Variants in CAD observed in about 807,000 individuals in gnomAD.
CAD encodes carbamoyl-phosphate synthetase 2, aspartate transcarbamylase, and dihydroorotase.
CAD carries 81 observed loss-of-function variants against 237.2 expected under a neutral mutation model. That is an observed-to-expected ratio of 0.34 (90% CI 0.29 to 0.41). The LOEUF is 0.41. CAD is among the 10% of genes least tolerant of loss of function. CAD has a pLI of 1.00. For synonymous variants in CAD, 1,196 were observed against 1,162.8 expected (o/e 1.03, Z -0.58); for missense variants, 2,181 against 2,951.7 (o/e 0.74, Z 6.05).
At position 27,237,718 on chromosome 2, in the gene CAD, C is replaced by T; in HGVS notation, c.4564C>T (p.Leu1522=). 1.2e-6 allele frequency: 2 copies of T among 1,611,678 alleles called. No individual in the cohort carries two copies. Among genetic ancestry groups the T allele is most frequent in the African/African-American group, 2.7e-5 (2 of 75,068 alleles). The change falls in exon 29 of 44, where the codon CTG becomes TTG. Residue 1522 remains leucine (L), a splice_region_variant and synonymous_variant. Transcript: ENST00000264705. This position sits in a 1 kb window ranked among gnomAD's most constrained non-coding sequence, Gnocchi z 4.0. ...DAPALALAQK[L]AEAGARCDFA... Reference sequence around the variant, plus strand: ...CCTTACCTCTGTGTATCCTCTCCAGCTGGCAGAGGCTGGCGCCCGGTGCGA... The same window carrying T: ...CCTTACCTCTGTGTATCCTCTCCAGTTGGCAGAGGCTGGCGCCCGGTGCGA...
intron 15 of CAD, among the ~76,000 whole-genome samples, chr2:27,229,707 C>T (rs1035382248): frequency 6.6e-6 from 1 of 151,548 alleles, no homozygotes; most frequent in Non-Finnish European, 1.5e-5. Context: ...GAAACCCCAT[C>T]TCTAGAAAAT....
At chr2:27,238,972 C>A in intron 31 of CAD, 70 bp from the exon 32 acceptor site, 1 of 1,415,256 alleles carries the variant, frequency 7.1e-7, no homozygotes, top group Non-Finnish European at 9.6e-7. Flanking sequence ...GAAGTGCAGT[C>A]CTGGGGTGTG....
intron 11 of CAD, among the ~76,000 whole-genome samples, 156 bp from the exon 12 acceptor site, chr2:27,225,549 A>AT (rs1553367507): frequency 6.9e-6 from 1 of 145,408 alleles, no homozygotes; most frequent in Non-Finnish European, 1.5e-5. Flanking sequence ...CAGGTGATCC[A>AT]CCCCCCCGAC....
intron 16 of CAD, 130 bp from the exon 17 acceptor site, chr2:27,231,850 A>C (rs1394282789): frequency 3.8e-6 from 4 of 1,065,034 alleles, no homozygotes; most frequent in Middle Eastern, 2.4e-4. Flanking sequence ...ATTGGTATCC[A>C]GGTTTTTGCA....
In CAD at chr2:27,237,742, G is replaced by A. The variant is rs752255471; in HGVS notation, c.4588G>A (p.Asp1530Asn). 5 of 1,614,002 alleles carry A rather than the reference G, an allele frequency of 3.1e-6. No individual in the cohort carries two copies. The highest frequency in any genetic ancestry group is 2.2e-5 in the East Asian group (1 of 44,882). ...GCTGGCAGAGGCTGGCGCCCGGTGCGACTTTGCGCTATTCCTTGGGGCCTC... is the reference window on the plus strand; with the variant it reads ...GCTGGCAGAGGCTGGCGCCCGGTGCAACTTTGCGCTATTCCTTGGGGCCTC... ...QKLAEAGARC[D>N]FALFLGASSE... is the part of the protein sequence containing the mutation. The change falls in exon 29 of 44, where the codon GAC (aspartate) becomes AAC (asparagine). Residue 1530 changes from aspartate to asparagine, a missense_variant. Physicochemically the swap from Asp to Asn is conservative, Grantham distance 23. Transcript: ENST00000264705. The surrounding 1 kb of genome is among the most constrained non-coding windows in gnomAD (Gnocchi z 4.0).
intron 22 of CAD, 118 bp downstream of exon 22, chr2:27,234,344 G>C: frequency 1.7e-6 from 2 of 1,179,208 alleles, no homozygotes; most frequent in Admixed American, 3.6e-5. Context: ...AGGGAAGCTG[G>C]AGGGAAAGGG....
At position 27,227,114 on chromosome 2, in the gene CAD, G is replaced by C. The variant is rs957828181; in HGVS notation, c.2287+152G>C. 1.7e-5 allele frequency: 11 copies of C among 659,706 alleles called. No individual in the cohort carries two copies. In the Admixed American group the frequency reaches 3.0e-4, roughly 18 times the overall value. The allele number at this position is 659,706 out of a possible 1,614,324, so 40.9% of individuals were successfully genotyped here. A position where few individuals can be genotyped will look rare whatever the true frequency, so the allele number is the denominator to read the frequency against. The stretch of plus-strand genomic sequence containing the variant: ...ATTATAGTCCTTGTCAGGAGTTGGG[G>C]AGGCATCTGGAAATCTGTGTTGGAA... On this transcript the variant is annotated intron_variant, in intron 15 of 43. Coordinates refer to ENST00000264705, the MANE Select transcript of CAD (RefSeq NM_004341.5).
In CAD at chr2:27,222,222, GT is replaced by G. The variant is rs1558527593; in HGVS notation, c.383del (p.Leu128CysfsTer82). 6.2e-7 allele frequency: 1 copy of G among 1,614,026 alleles called. No individual in the cohort carries two copies. The highest frequency in any genetic ancestry group is 1.7e-5 in the Admixed American group (1 of 60,000). The part of the protein sequence containing the change: ...GVDTRELTKK[L>X]REQGSLLGKL... ...TAGACACTCGGGAGCTGACCAAGAA[GT>G]TGCGGGAACAGGGGTCTCTGCTGGG... On this transcript the variant is annotated frameshift_variant, in exon 4 of 44. Coordinates refer to ENST00000264705, the MANE Select transcript of CAD (RefSeq NM_004341.5). LOFTEE classifies it high-confidence loss of function.
rs765885463 is a variant in CAD at position 27,241,411 on chromosome 2, C to CG, written c.5883+20dup. 3.4e-5 allele frequency: 55 copies of CG among 1,613,494 alleles called. No individual in the cohort carries two copies. Among genetic ancestry groups the CG allele is most frequent in the Non-Finnish European group, 4.7e-5 (55 of 1,179,544 alleles). ...ACATCCTGAAGGTCAGGATCAGGGC[C>CG]GGGGGTAGGGTCCAGGCCATCGCCT... On this transcript the variant is annotated intron_variant, in intron 38 of 43. Transcript: ENST00000264705. This position sits in a 1 kb window ranked among gnomAD's most constrained non-coding sequence, Gnocchi z 4.6.
At position 27,242,877 on chromosome 2, in the gene CAD, A is replaced by G. The variant is rs766518574; in HGVS notation, c.6384A>G (p.Glu2128=). 6.2e-7 allele frequency: 1 copy of G among 1,614,098 alleles called. No individual in the cohort carries two copies. Among genetic ancestry groups the G allele is most frequent in the South Asian group, 1.1e-5 (1 of 91,078 alleles). Residue 2128 remains glutamate, a synonymous_variant, in exon 42 of 44, where the codon GAA becomes GAG. Transcript: ENST00000264705. The surrounding 1 kb of genome is among the most constrained non-coding windows in gnomAD (Gnocchi z 6.4). ...TGGCTCTCCTCACCCTCCAGGAGGA[A>G]TTCGAGAGCATTGAGGAGGCGCTGC... The part of the protein sequence containing the change: ...FVASRGTKQE[E]FESIEEALPD...
In CAD at chr2:27,238,097, C is replaced by T. The variant is rs759399567; in HGVS notation, c.4770C>T (p.His1590=). 1.7e-5 allele frequency: 28 copies of T among 1,614,090 alleles called. No homozygotes were observed. Among genetic ancestry groups the T allele is most frequent in the African/African-American group, 1.6e-4 (12 of 74,920 alleles). Residue 1590 remains histidine, a synonymous_variant, in exon 30 of 44, where the codon CAC becomes CAT. Coordinates refer to ENST00000264705, the MANE Select transcript of CAD (RefSeq NM_004341.5). ...TWPSHLPIVA[H]AEQQTVAAVL... ...CCTCCCACCTCCCCATTGTGGCTCA[C>T]GCAGAGCAGCAAACCGTGGCTGCTG...
At chr2:27,225,950 G>A (rs746467851) in intron 12 of CAD, 24 bp downstream of exon 12, 1 of 1,604,814 alleles carries the variant, frequency 6.2e-7, no homozygotes, top group Admixed American at 1.7e-5. Context: ...GGAAGGGTGG[G>A]CGTCGTGTCA....
chr2:27,222,400 TG>T, intron 4 of CAD, 64 bp downstream of exon 4: 4 of 1,584,976 alleles, frequency 2.5e-6, no homozygotes, highest in South Asian at 1.1e-5. Context: ...TGCCCACAAT[TG>T]GGGGGTGAAC....
At chr2:27,222,843 G>A in intron 5 of CAD, 23 bp from the exon 6 acceptor site, 1 of 1,611,444 alleles carries the variant, frequency 6.2e-7, no homozygotes, top group Non-Finnish European at 8.5e-7. Context: ...TGATTTTGAT[G>A]TCATCTTTTC....
intron 15 of CAD, among the ~76,000 whole-genome samples, chr2:27,229,876 G>GAAA (rs1215538368): frequency 3.5e-5 from 3 of 85,212 alleles, no homozygotes; most frequent in Non-Finnish European, 4.9e-5. Context: ...CTACGTCTCA[G>GAAA]AAAAAAAAAA....
At chr2:27,243,025 A>G in intron 42 of CAD, 52 bp downstream of exon 42, 2 of 1,459,828 alleles carry the variant, frequency 1.4e-6, no homozygotes, top group Non-Finnish European at 1.9e-6. Flanking sequence ...AGGGCATCAG[A>G]TATGAGGACA....
rs965546703 is a variant in CAD, at chr2:27,240,659, C to T, written c.5594-252C>T. ...GGTTGGTGTGAGTCTGGCCGTTCCTCTTGCCTAGGATGCCTTTGCCAACTG... is the reference window on the plus strand; with the variant it reads ...GGTTGGTGTGAGTCTGGCCGTTCCTTTTGCCTAGGATGCCTTTGCCAACTG... On this transcript the variant is annotated intron_variant, in intron 35 of 43. Coordinates refer to ENST00000264705, the MANE Select transcript of CAD (RefSeq NM_004341.5). The surrounding 1 kb of genome is among the most constrained non-coding windows in gnomAD (Gnocchi z 4.6). 5 of 1,538,564 alleles carry T rather than the reference C, an allele frequency of 3.2e-6. No homozygotes were observed. The African/African-American group carries it at 6.9e-5, about 21-fold the overall frequency.
chr2:27,224,517 TGGGCGTGTG>T (rs1675335226), intron 9 of CAD, 27 bp downstream of exon 9: 1 of 1,609,504 alleles, frequency 6.2e-7, no homozygotes, highest in East Asian at 2.2e-5. Context: ...CCCACCCTTC[TGGGCGTGTG>T]ACCCTCAAGA....
Position 27,239,049 on chromosome 2 carries a change from T to A in CAD, c.5070T>A (p.His1690Gln). 6.4e-7 allele frequency: 1 copy of A among 1,556,608 alleles called. No homozygotes were observed. ...IDCFASDHAP[H>Q]TLEEKCGSRP... is the part of the protein sequence containing the mutation. The stretch of plus-strand genomic sequence containing the variant: ...TGGCTTTCTTTCTCCCAGCTCCCCA[T>A]ACCTTGGAGGAGAAGTGTGGGTCCA... Residue 1690 changes from histidine to glutamine, a missense_variant, in exon 32 of 44, where the codon CAT becomes CAA. By Grantham distance (24) the His-to-Gln change is conservative. Around this residue, in one of 12 missense-constraint regions of CAD, gnomAD observed 478 missense variants for 515.0 expected, o/e 0.93. Coordinates refer to ENST00000264705, the MANE Select transcript of CAD (RefSeq NM_004341.5). The surrounding 1 kb of genome is among the most constrained non-coding windows in gnomAD (Gnocchi z 4.0).
Sources: gnomAD v4.1 joint callset for allele counts (sites outside exome capture counted in the v4.1 genomes callset) on GRCh38, gnomAD v4.1.1 for gene constraint, gnomAD v4.1.1 regional missense constraint, Gnocchi (gnomAD v3.1) non-coding constraint, MANE v1.5 for transcripts, NCBI Gene and HGNC (gene_info 2026-07-23, HGNC 2026-07-21) for gene names.